Variants in RSRC1 observed in about 807,000 individuals in gnomAD.
RSRC1 encodes the protein serine/Arginine-related protein 53.
RSRC1 carries 39 observed loss-of-function variants against 49.1 expected under a neutral mutation model. That is an observed-to-expected ratio of 0.79 (90% CI 0.61 to 1.04). RSRC1 has a LOEUF of 1.04. RSRC1 is among the 50% of genes least tolerant of loss of function. RSRC1 has a pLI of 0.00. For synonymous variants in RSRC1, 143 were observed against 130.8 expected (o/e 1.09, Z -0.63); for missense variants, 388 against 402.4 (o/e 0.96, Z 0.31).
intron 8 of RSRC1, 89 bp downstream of exon 8, chr3:158,537,287 TC>T (rs2108505531): frequency 4.1e-6 from 3 of 731,632 alleles, no homozygotes; most frequent in South Asian, 4.6e-5. Context: ...ATGTGTTTCT[TC>T]TAATAGATGA....
chr3:158,487,966 A>AAAAAAAAAAAAAAAAG, intron 7 of RSRC1, among the ~76,000 whole-genome samples: 1 of 148,452 alleles, frequency 6.7e-6, no homozygotes, highest in Non-Finnish European at 1.5e-5. Flanking sequence ...AAAAAAAAAA[A>AAAAAAAAAAAAAAAAG]AAAAAAAACT....
chr3:158,150,134 G>A (rs895611105), intron 3 of RSRC1, among the ~76,000 whole-genome samples: 1 of 152,150 alleles, frequency 6.6e-6, no homozygotes, highest in Non-Finnish European at 1.5e-5. Context: ...AGTTGTAAAG[G>A]ACCAAGTTGT....
At chr3:158,484,105 G>A (rs998948110) in intron 7 of RSRC1, among the ~76,000 whole-genome samples, 5 of 152,046 alleles carry the variant, frequency 3.3e-5, no homozygotes, top group African/African-American at 1.2e-4. Flanking sequence ...TCCTGAAAAG[G>A]CAGGGGTGAT....
At chr3:158,335,490 T>G (rs1275955485) in intron 5 of RSRC1, among the ~76,000 whole-genome samples, 1 of 152,244 alleles carries the variant, frequency 6.6e-6, no homozygotes, top group Non-Finnish European at 1.5e-5. Context: ...ATTAAAGTGA[T>G]AAGTTTATGC....
At chr3:158,110,469 G>C (rs1251256180) in intron 1 of RSRC1, 3 of 152,666 alleles carry the variant, frequency 2.0e-5, no homozygotes, top group Non-Finnish European at 4.4e-5. Flanking sequence ...CCTCAAGCTT[G>C]GCCTTCTGTC....
intron 2 of RSRC1, among the ~76,000 whole-genome samples, chr3:158,122,998 G>C (rs181774543): frequency 6.6e-6 from 1 of 152,102 alleles, no homozygotes; most frequent in Non-Finnish European, 1.5e-5. Flanking sequence ...ATTTGAGTTG[G>C]TTCCAAGCCT....
chr3:158,545,008 C>T lies in RSRC1; in HGVS notation c.*733C>T, dbSNP rs563295150. 8.5e-5 allele frequency: 13 copies of T among 152,164 alleles called. No homozygotes were observed. The highest frequency in any genetic ancestry group is 2.9e-4 in the African/African-American group (12 of 41,540). The allele number at this position is 152,164 out of a possible 1,614,324, so 9.4% of individuals were successfully genotyped here. A position where few individuals can be genotyped will look rare whatever the true frequency, so the allele number is the denominator to read the frequency against. ...AGTCTTACTTACCCCACTGCTATTC[C>T]CTGTGGAGAAAGCCGGCTAATTGTT... On this transcript the variant is annotated 3_prime_UTR_variant, in exon 10 of 10. Coordinates refer to ENST00000611884, the MANE Select transcript of RSRC1 (RefSeq NM_001271838.2).
Position 158,122,171 on chromosome 3 carries a change from C to T in RSRC1, c.67C>T (p.Arg23Trp), listed in dbSNP as rs770777324. 33 of 1,597,614 alleles carry T rather than the reference C, an allele frequency of 2.1e-5. No homozygotes were observed. The highest frequency in any genetic ancestry group is 4.1e-5 in the African/African-American group (3 of 73,788). ...RSKRKKKHRR[R>W]SSSSSSSDSR... ...CAAGAGAAAAAAGAAACACCGTAGA[C>T]GGTCCTCCTCGAGCAGTTCTTCAGA... The change falls in exon 2 of 10, where the codon CGG becomes TGG. Residue 23 changes from arginine to tryptophan, a missense_variant. Transcript: ENST00000611884.
intron 4 of RSRC1, among the ~76,000 whole-genome samples, chr3:158,207,296 A>T (rs1057165052): frequency 1.3e-5 from 2 of 152,198 alleles, no homozygotes; most frequent in African/African-American, 4.8e-5. Flanking sequence ...AAATCTCATT[A>T]GTAAAAGATT....
intron 6 of RSRC1, among the ~76,000 whole-genome samples, chr3:158,389,305 ATAACT>A (rs1176009806): frequency 1.3e-5 from 2 of 152,186 alleles, no homozygotes. Context: ...TCTTTGTAAA[ATAACT>A]TAACTGTTAG....
chr3:158,472,400 C>T (rs1007068082), intron 7 of RSRC1, among the ~76,000 whole-genome samples: 1 of 151,922 alleles, frequency 6.6e-6, no homozygotes, highest in African/African-American at 2.4e-5. Flanking sequence ...ACTTTGCAGT[C>T]GAGTACACAT....
intron 7 of RSRC1, among the ~76,000 whole-genome samples, chr3:158,517,880 G>A (rs1239586753): frequency 6.8e-6 from 1 of 146,358 alleles, no homozygotes; most frequent in African/African-American, 2.5e-5. Flanking sequence ...AGGATTATAG[G>A]CATGGGCCAT....
At chr3:158,323,663 G>A (rs545521515) in intron 5 of RSRC1, among the ~76,000 whole-genome samples, 1 of 152,094 alleles carries the variant, frequency 6.6e-6, no homozygotes, top group Non-Finnish European at 1.5e-5. Context: ...CCCCAAGCAA[G>A]AAGATCAAAA....
At chr3:158,517,755 ATTTTTTTTTTTTTTTTTT>A (rs766129663) in intron 7 of RSRC1, among the ~76,000 whole-genome samples, 40 of 35,170 alleles carry the variant, frequency 1.1e-3, no homozygotes, top group Admixed American at 0.011. Flanking sequence ...CACCCAGCTA[ATTTTTTTTTTTTTTTTTT>A]TTTTTTTTTT....
intron 5 of RSRC1, among the ~76,000 whole-genome samples, chr3:158,339,224 G>A (rs1001423097): frequency 1.3e-5 from 2 of 150,942 alleles, no homozygotes; most frequent in Non-Finnish European, 2.9e-5. Flanking sequence ...CCCGGGAAGC[G>A]GAGCTTGCAG....
chr3:158,286,437 A>C (rs572811601), intron 4 of RSRC1, among the ~76,000 whole-genome samples: 1 of 152,304 alleles, frequency 6.6e-6, no homozygotes, highest in East Asian at 1.9e-4. Flanking sequence ...AGCACTTGTT[A>C]CCGTGCCTGG....
chr3:158,170,311 T>TTC (rs1017865388), intron 3 of RSRC1, among the ~76,000 whole-genome samples: 10 of 151,746 alleles, frequency 6.6e-5, no homozygotes, highest in African/African-American at 2.4e-4. Flanking sequence ...GTCTGCCTTT[T>TTC]TTTTTTTTCT....
chr3:158,287,553 C>T (rs1726644167), intron 4 of RSRC1, among the ~76,000 whole-genome samples: 2 of 151,966 alleles, frequency 1.3e-5, no homozygotes, highest in Non-Finnish European at 2.9e-5. Flanking sequence ...TCAGAAAGAA[C>T]CTAAATGTCC....
At chr3:158,437,619 A>G (rs1246134578) in intron 6 of RSRC1, among the ~76,000 whole-genome samples, 1 of 152,178 alleles carries the variant, frequency 6.6e-6, no homozygotes, top group African/African-American at 2.4e-5. Flanking sequence ...ACAGCTCTTC[A>G]TGCTAAACAC....
Sources: gnomAD v4.1 joint callset for allele counts (sites outside exome capture counted in the v4.1 genomes callset) on GRCh38, gnomAD v4.1.1 for gene constraint, MANE v1.5 for transcripts, NCBI Gene and HGNC (gene_info 2026-07-23, HGNC 2026-07-21) for gene names.